Variants in RBFOX1 observed in about 807,000 individuals in gnomAD.
The protein encoded by RBFOX1 is RNA binding protein fox-1 homolog 1.
In RBFOX1, 8 loss-of-function variants were observed where a neutral mutation model predicts 57.7. The observed-to-expected ratio is 0.14, with a 90% confidence interval of 0.08 to 0.25. The LOEUF (loss-of-function observed/expected upper bound fraction) is 0.25, where lower values mean the gene tolerates loss of function less well. RBFOX1 is among the 10% of genes least tolerant of loss of function. RBFOX1 has a pLI of 1.00. For synonymous variants in RBFOX1, 326 were observed against 222.4 expected (o/e 1.47, Z -4.15); for missense variants, 611 against 548.5 (o/e 1.11, Z -1.14).
intron 1 of RBFOX1, among the ~76,000 whole-genome samples, chr16:5,283,538 C>T (rs190305998): frequency 2.0e-5 from 3 of 152,292 alleles, no homozygotes; most frequent in African/African-American, 4.8e-5. Flanking sequence ...GGCCTTTATT[C>T]TCCCAAGGCC....
intron 2 of RBFOX1, among the ~76,000 whole-genome samples, chr16:5,502,940 G>C (rs750275046): frequency 6.6e-6 from 1 of 152,212 alleles, no homozygotes; most frequent in Non-Finnish European, 1.5e-5. Context: ...AGGAAATTCT[G>C]ATCTTGCTAC....
chr16:5,726,153 T>A (rs1456870608), intron 3 of RBFOX1, among the ~76,000 whole-genome samples: 1 of 152,092 alleles, frequency 6.6e-6, no homozygotes, highest in Non-Finnish European at 1.5e-5. Context: ...CGTCCCAGTT[T>A]AATTTCCCTT....
In RBFOX1 at chr16:5,755,637, T is replaced by C. The variant is rs561352173; in HGVS notation, c.319-111666T>C. Among the ~76,000 whole-genome samples the C allele has an allele frequency of 7.2e-5, 11 of 152,344 alleles. No homozygotes were observed. In the South Asian group the frequency reaches 2.3e-3, roughly 32 times the overall value. ...TCTTGAGACAGTGTTTCACTCTTGT[T>C]GCCTAGGCTAGAGTACAAAGGTGCA... On this transcript the variant is annotated intron_variant, in intron 3 of 19. Transcript: ENST00000641259.
At chr16:5,533,124 G>A (rs904113007) in intron 2 of RBFOX1, among the ~76,000 whole-genome samples, 11 of 152,148 alleles carry the variant, frequency 7.2e-5, no homozygotes, top group South Asian at 4.1e-4. Context: ...GGAGTTATTC[G>A]TCATAACAGG....
intron 4 of RBFOX1, among the ~76,000 whole-genome samples, chr16:5,931,508 C>T (rs1257809219): frequency 6.6e-6 from 1 of 152,036 alleles, no homozygotes; most frequent in Non-Finnish European, 1.5e-5. Flanking sequence ...GCAACAGATG[C>T]CCACCGTAGC....
At chr16:7,151,347 A>T (rs1037944933) in intron 4 of RBFOX1, among the ~76,000 whole-genome samples, 1 of 152,174 alleles carries the variant, frequency 6.6e-6, no homozygotes, top group South Asian at 2.1e-4. Flanking sequence ...TGACAGTGAG[A>T]TTTATTGGCT....
intron 3 of RBFOX1, among the ~76,000 whole-genome samples, chr16:5,651,684 T>C (rs1320216649): frequency 6.6e-6 from 1 of 152,224 alleles, no homozygotes; most frequent in Non-Finnish European, 1.5e-5. Context: ...CGTTTCAGTC[T>C]AACTGATTCC....
intron 3 of RBFOX1, among the ~76,000 whole-genome samples, chr16:6,707,616 C>A (rs1438697525): frequency 6.6e-6 from 1 of 151,600 alleles, no homozygotes; most frequent in Non-Finnish European, 1.5e-5. Context: ...ATTGAAGATG[C>A]TGGATCTCCT....
intron 3 of RBFOX1, among the ~76,000 whole-genome samples, chr16:6,890,014 T>C (rs1428895144): frequency 6.6e-6 from 1 of 152,222 alleles, no homozygotes; most frequent in Non-Finnish European, 1.5e-5. Flanking sequence ...TTACCATTTA[T>C]GGTTAATAAT....
At chr16:6,887,769 T>A (rs191767736) in intron 3 of RBFOX1, among the ~76,000 whole-genome samples, 1 of 152,022 alleles carries the variant, frequency 6.6e-6, no homozygotes, top group Admixed American at 6.6e-5. Context: ...TTCAAGTGAT[T>A]CTCCAGCCTC....
chr16:7,013,427 G>T (rs1311888285), intron 3 of RBFOX1, among the ~76,000 whole-genome samples: 1 of 152,156 alleles, frequency 6.6e-6, no homozygotes, highest in Non-Finnish European at 1.5e-5. Flanking sequence ...AGACATGTTT[G>T]GTTGCTACGA....
chr16:5,718,166 C>G lies in RBFOX1; in HGVS notation c.318+119205C>G, dbSNP rs534626280. On this transcript the variant is annotated intron_variant, in intron 3 of 19. Transcript: ENST00000641259. ...GTGCCCCTGCCATTGTCATGATCCT[C>G]TTGAATAGCTGCTGTTCTTTAAGCT... Among the ~76,000 whole-genome samples, 37 of 152,346 alleles carry G rather than the reference C, an allele frequency of 2.4e-4. No homozygotes were observed. The South Asian group carries it at 7.7e-3, about 32-fold the overall frequency.
intron 2 of RBFOX1, chr16:5,598,850 T>C: frequency 7.3e-7 from 1 of 1,376,274 alleles, no homozygotes; most frequent in Non-Finnish European, 9.6e-7. Context: ...AGAATTTTTT[T>C]CCTCAACCCG....
chr16:6,872,869 C>G (rs2061181300), intron 3 of RBFOX1, among the ~76,000 whole-genome samples: 1 of 152,170 alleles, frequency 6.6e-6, no homozygotes, highest in African/African-American at 2.4e-5. Context: ...TTCAAAGACT[C>G]CATGTTCCAT....
rs562441876 is a variant in RBFOX1 at position 6,480,534 on chromosome 16, C to A, written c.-64+163477C>A. ...GACTTTTAAAAACTATTTAAAGTATCAAAACCATTTTTAACTAGCAGGCTG... is the reference window on the plus strand; with the variant it reads ...GACTTTTAAAAACTATTTAAAGTATAAAAACCATTTTTAACTAGCAGGCTG... On this transcript the variant is annotated intron_variant, in intron 2 of 15. Transcript: ENST00000550418. 7.2e-5 allele frequency among the ~76,000 whole-genome samples: 11 copies of A among 152,286 alleles called. No homozygotes were observed. In the East Asian group the frequency reaches 2.1e-3, roughly 29 times the overall value.
chr16:6,510,202 A>C (rs1485925074), intron 2 of RBFOX1, among the ~76,000 whole-genome samples: 1 of 152,190 alleles, frequency 6.6e-6, no homozygotes, highest in Non-Finnish European at 1.5e-5. Context: ...ATTTATTTTT[A>C]TTAGCCCCTT....
At chr16:5,839,044 G>A (rs1422460165) in intron 3 of RBFOX1, among the ~76,000 whole-genome samples, 1 of 152,268 alleles carries the variant, frequency 6.6e-6, no homozygotes, top group East Asian at 1.9e-4. Flanking sequence ...AGAGGCCAGG[G>A]ATATTGATAA....
At chr16:6,963,819 C>G (rs1189398932) in intron 3 of RBFOX1, among the ~76,000 whole-genome samples, 1 of 151,106 alleles carries the variant, frequency 6.6e-6, no homozygotes, top group Admixed American at 6.6e-5. Context: ...CTGCCTCAGC[C>G]TCTCGAGTAG....
Position 7,354,672 on chromosome 16 carries a change from G to A in RBFOX1, c.28-163475G>A, listed in dbSNP as rs185159035. The stretch of plus-strand genomic sequence containing the variant: ...AGGAAAGAATTAGGATATTTTAGCT[G>A]GGGAAGATAGCACTCTCTGGAAACA... On this transcript the variant is annotated intron_variant, in intron 4 of 15. Coordinates refer to ENST00000550418, the MANE Select transcript of RBFOX1 (RefSeq NM_018723.4). 2.6e-5 allele frequency among the ~76,000 whole-genome samples: 4 copies of A among 152,180 alleles called. No homozygotes were observed. In the East Asian group the frequency reaches 7.7e-4, roughly 29 times the overall value.
Sources: gnomAD v4.1 joint callset for allele counts (sites outside exome capture counted in the v4.1 genomes callset) on GRCh38, gnomAD v4.1.1 for gene constraint, MANE v1.5 for transcripts, NCBI Gene and HGNC (gene_info 2026-07-23, HGNC 2026-07-21) for gene names.